Variants in STK17B observed in about 807,000 individuals in gnomAD.
STK17B encodes the protein serine/threonine-protein kinase 17B.
Under a neutral mutation model 42.0 loss-of-function variants are expected in STK17B, and 21 were observed. The observed-to-expected ratio is 0.50, with a 90% CI of 0.35 to 0.72. STK17B has a LOEUF of 0.72. STK17B is among the 30% of genes least tolerant of loss of function. STK17B has a pLI of 0.00. For synonymous variants in STK17B, 143 were observed against 148.4 expected (o/e 0.96, Z 0.26); for missense variants, 349 against 446.0 (o/e 0.78, Z 1.96).
At chr2:196,146,728 T>C (rs1371116222) in intron 3 of STK17B, among the ~76,000 whole-genome samples, 1 of 151,920 alleles carries the variant, frequency 6.6e-6, no homozygotes, top group Non-Finnish European at 1.5e-5. Context: ...TATGAATTCT[T>C]ATATATATAT....
At chr2:196,143,763 T>C (rs1699527195) in intron 4 of STK17B, 77 bp from the exon 5 acceptor site, 2 of 1,238,574 alleles carry the variant, frequency 1.6e-6, no homozygotes, top group African/African-American at 3.1e-5. Flanking sequence ...GTATATTAAG[T>C]GGAAGATATT....
intron 3 of STK17B, among the ~76,000 whole-genome samples, chr2:196,148,673 ATTC>A: frequency 6.6e-6 from 1 of 152,340 alleles, no homozygotes; most frequent in East Asian, 1.9e-4. Context: ...ATAGATGTGT[ATTC>A]TTCATTTGTA....
intron 3 of STK17B, among the ~76,000 whole-genome samples, chr2:196,150,927 T>C (rs537556612): frequency 1.3e-5 from 2 of 152,350 alleles, no homozygotes; most frequent in East Asian, 1.9e-4. Flanking sequence ...ATAACGTGCC[T>C]ATCACAGTGC....
At chr2:196,157,283 C>T (rs1033077135) in intron 2 of STK17B, among the ~76,000 whole-genome samples, 3 of 152,232 alleles carry the variant, frequency 2.0e-5, no homozygotes, top group South Asian at 2.1e-4. Flanking sequence ...AAATGCTCTC[C>T]TGTTCTTCAC....
intron 2 of STK17B, among the ~76,000 whole-genome samples, chr2:196,161,161 G>A (rs1293257803): frequency 1.3e-5 from 2 of 152,066 alleles, no homozygotes; most frequent in East Asian, 3.9e-4. Context: ...GTTTGTTCGG[G>A]AAATTATAGG....
At chr2:196,164,421 A>G (rs1699852369) in intron 1 of STK17B, among the ~76,000 whole-genome samples, 1 of 152,210 alleles carries the variant, frequency 6.6e-6, no homozygotes, top group South Asian at 2.1e-4. Flanking sequence ...GTATCTGGAA[A>G]TTTGTGATGT....
intron 3 of STK17B, chr2:196,154,100 G>C (rs927259900): frequency 6.6e-6 from 1 of 152,208 alleles, no homozygotes; most frequent in African/African-American, 2.4e-5. Flanking sequence ...TGGGCATGGT[G>C]GCACGTGCCT....
At chr2:196,139,821 C>T in intron 6 of STK17B, 22 bp from the exon 7 acceptor site, 2 of 1,332,300 alleles carry the variant, frequency 1.5e-6, no homozygotes, top group Admixed American at 3.0e-5. Flanking sequence ...GGGAGGGGAA[C>T]TTAAAATGTA....
chr2:196,146,701 A>C (rs936419803), intron 3 of STK17B, among the ~76,000 whole-genome samples: 1 of 152,108 alleles, frequency 6.6e-6, no homozygotes, highest in African/African-American at 2.4e-5. Flanking sequence ...TCATATATAT[A>C]CATATGTTTT....
intron 3 of STK17B, chr2:196,156,187 G>A (rs904455849): frequency 6.7e-6 from 2 of 297,990 alleles, no homozygotes; most frequent in African/African-American, 2.2e-5. Flanking sequence ...AGAAAATAAT[G>A]TATATTCATT....
chr2:196,156,362 C>A, intron 3 of STK17B, 77 bp downstream of exon 3: 1 of 1,216,628 alleles, frequency 8.2e-7, no homozygotes, highest in Non-Finnish European at 1.1e-6. Context: ...CTTGTCACAC[C>A]TTTATCATTC....
intron 1 of STK17B, among the ~76,000 whole-genome samples, chr2:196,164,925 GT>G (rs1287342925): frequency 6.6e-6 from 1 of 152,162 alleles, no homozygotes; most frequent in Non-Finnish European, 1.5e-5. Context: ...ATCTCTAGGA[GT>G]CAAAGGGTTG....
intron 1 of STK17B, among the ~76,000 whole-genome samples, chr2:196,170,006 G>A (rs1391339862): frequency 2.6e-5 from 4 of 152,132 alleles, no homozygotes; most frequent in Non-Finnish European, 4.4e-5. Context: ...CAGAGGAGGA[G>A]GATCCGAGGC....
chr2:196,168,833 A>G (rs930023548), intron 1 of STK17B, among the ~76,000 whole-genome samples: 2 of 152,228 alleles, frequency 1.3e-5, no homozygotes, highest in African/African-American at 4.8e-5. Context: ...AGCCTTTGAT[A>G]ACAGCCCAGC....
intron 3 of STK17B, among the ~76,000 whole-genome samples, chr2:196,146,707 G>A (rs1463596143): frequency 3.3e-5 from 5 of 151,756 alleles, no homozygotes; most frequent in Admixed American, 1.3e-4. Context: ...ATATACATAT[G>A]TTTTCATATA....
In STK17B at chr2:196,163,287, T is replaced by G. The variant is rs763740195; in HGVS notation, c.97A>C (p.Ile33Leu). The part of the protein sequence containing the change: ...IKMENFNNFY[I>L]LTSKELGRGK... ...CTCCCTAGCTCTTTAGATGTAAGTA[T>G]ATAGAAATTATTAAAGTTTTCCATT... The change falls in exon 2 of 8, where the codon ATA becomes CTA. Residue 33 changes from isoleucine to leucine, a missense_variant. By Grantham distance (5) the Ile-to-Leu change is conservative. Around this residue, in one of 3 missense-constraint regions of STK17B, gnomAD observed 256 missense variants for 347.7 expected, o/e 0.74. Transcript: ENST00000263955. 2.5e-6 allele frequency: 4 copies of G among 1,608,640 alleles called. No homozygotes were observed. Among genetic ancestry groups the G allele is most frequent in the Middle Eastern group, 2.3e-4 (1 of 4,422 alleles).
intron 4 of STK17B, 115 bp downstream of exon 4, chr2:196,145,796 G>C: frequency 9.5e-7 from 1 of 1,057,636 alleles, no homozygotes; most frequent in Non-Finnish European, 1.3e-6. Flanking sequence ...CACCAGTGCA[G>C]TCTAGAAGAC....
intron 3 of STK17B, among the ~76,000 whole-genome samples, chr2:196,149,228 A>ACTC (rs1276686998): frequency 6.6e-6 from 1 of 151,314 alleles, no homozygotes; most frequent in African/African-American, 2.4e-5. Context: ...CAGTAGTGCA[A>ACTC]TCTCTACTCA....
chr2:196,139,829 G>C, intron 6 of STK17B, 30 bp from the exon 7 acceptor site: 1 of 1,321,710 alleles, frequency 7.6e-7, no homozygotes, highest in Non-Finnish European at 9.8e-7. Flanking sequence ...AACTTAAAAT[G>C]TATGTTAATT....
Sources: gnomAD v4.1 joint callset for allele counts (sites outside exome capture counted in the v4.1 genomes callset) on GRCh38, gnomAD v4.1.1 for gene constraint, gnomAD v4.1.1 regional missense constraint, MANE v1.5 for transcripts, NCBI Gene and HGNC (gene_info 2026-07-23, HGNC 2026-07-21) for gene names.